The following RHCE variants were observed in gnomAD, a reference collection of about 807,000 sequenced individuals.
RHCE encodes the protein blood group Rh(CE) polypeptide.
In RHCE, 22 loss-of-function variants were observed where a neutral mutation model predicts 43.8. The observed-to-expected ratio is 0.50, with a 90% CI of 0.36 to 0.72. RHCE has a LOEUF of 0.72. RHCE is among the 30% of genes least tolerant of loss of function. The pLI, the probability that RHCE is intolerant of heterozygous loss-of-function variation, is 0.00. For synonymous variants in RHCE, 156 were observed against 210.7 expected (o/e 0.74, Z 2.25); for missense variants, 385 against 525.4 (o/e 0.73, Z 2.61).
intron 7 of RHCE, among the ~76,000 whole-genome samples, chr1:25,378,548 C>T (rs1248593558): frequency 6.6e-6 from 1 of 152,182 alleles, no homozygotes; most frequent in East Asian, 1.9e-4. Context: ...ACACTAATGG[C>T]CAAAGTTGTT....
intron 3 of RHCE, among the ~76,000 whole-genome samples, chr1:25,397,425 A>T (rs1016491912): frequency 2.6e-5 from 4 of 151,338 alleles, no homozygotes; most frequent in Non-Finnish European, 5.9e-5. Flanking sequence ...TGAACCTGGA[A>T]GGCAGAGGTT....
At chr1:25,379,355 T>C (rs1389041231) in intron 7 of RHCE, among the ~76,000 whole-genome samples, 2 of 149,232 alleles carry the variant, frequency 1.3e-5, no homozygotes, top group Non-Finnish European at 1.5e-5. Flanking sequence ...CTCCAACACA[T>C]GAAATTTGAG....
chr1:25,402,557 C>T (rs748156058), intron 3 of RHCE, 39 bp downstream of exon 3: 5 of 1,613,832 alleles, frequency 3.1e-6, no homozygotes, highest in Non-Finnish European at 4.2e-6. Flanking sequence ...GCTTTTGGCC[C>T]TTTTCTCCCA....
intron 7 of RHCE, among the ~76,000 whole-genome samples, chr1:25,378,695 C>T (rs1209476436): frequency 6.6e-6 from 1 of 151,784 alleles, no homozygotes; most frequent in African/African-American, 2.4e-5. Context: ...TCTCCCACCA[C>T]TCTTTTTCAT....
chr1:25,412,636 T>C lies in RHCE; in HGVS notation c.149-3767A>G, dbSNP rs865912579. ...GTGAGGTGGGAGGATGGCTTGTGCC[T>C]AGAAGGTTAAGGCTGCAGTGAGCCA... On this transcript the variant is annotated intron_variant, in intron 1 of 9. Transcript: ENST00000294413. Among the ~76,000 whole-genome samples, 101 of 140,628 alleles carry C rather than the reference T, an allele frequency of 7.2e-4. 1 individual carries two copies. The highest frequency in any genetic ancestry group is 1.3e-3 in the Non-Finnish European group (84 of 66,012). 92.3% of individuals were successfully genotyped at this position (140,628 alleles called of 152,430 possible).
At chr1:25,388,671 CAG>C (rs981088173) in intron 6 of RHCE, among the ~76,000 whole-genome samples, 3 of 152,158 alleles carry the variant, frequency 2.0e-5, no homozygotes, top group Non-Finnish European at 4.4e-5. Context: ...AGAAGTAAAA[CAG>C]GGGCTTCTGG....
At chr1:25,425,621 C>T (rs1247279832), upstream of RHCE, among the ~76,000 whole-genome samples, 4 of 152,304 alleles carry the variant, frequency 2.6e-5, no homozygotes, top group East Asian at 3.9e-4. Flanking sequence ...GCCTGAGTTA[C>T]GGAAATGAAG....
At chr1:25,400,660 T>G (rs1311360764) in intron 3 of RHCE, among the ~76,000 whole-genome samples, 1 of 151,560 alleles carries the variant, frequency 6.6e-6, no homozygotes, top group Non-Finnish European at 1.5e-5. Flanking sequence ...TTCAGACTTG[T>G]ACATCTCCAT....
intron 7 of RHCE, among the ~76,000 whole-genome samples, chr1:25,380,899 CTTT>C (rs898980956): frequency 6.2e-5 from 8 of 128,926 alleles, no homozygotes; most frequent in African/African-American, 1.2e-4. Flanking sequence ...TTCTTTCTTC[CTTT>C]TTTTTTTTTT....
chr1:25,392,207 T>C, intron 3 of RHCE, 66 bp from the exon 4 acceptor site: 2 of 1,612,818 alleles, frequency 1.2e-6, no homozygotes, highest in Non-Finnish European at 1.7e-6. Flanking sequence ...GCCCTGATGG[T>C]CCTTGGAGAA....
intron 3 of RHCE, among the ~76,000 whole-genome samples, chr1:25,395,173 A>T (rs1022291634): frequency 1.4e-5 from 2 of 143,246 alleles, no homozygotes; most frequent in Non-Finnish European, 3.0e-5. Context: ...TGTGTGAACT[A>T]TTTCCCATGC....
upstream of RHCE, chr1:25,421,090 C>T: frequency 1.7e-5 from 7 of 411,616 alleles, no homozygotes; most frequent in South Asian, 1.3e-4. Flanking sequence ...GACACCCAAA[C>T]ATAATCCTTC....
intron 7 of RHCE, among the ~76,000 whole-genome samples, chr1:25,376,317 A>C (rs576392426): frequency 1.1e-3 from 173 of 152,280 alleles, no homozygotes; most frequent in South Asian, 5.4e-3. Flanking sequence ...AGGGTTCAGC[A>C]TGCACCTGGG....
At chr1:25,417,167 G>A (rs1276913543) in intron 1 of RHCE, among the ~76,000 whole-genome samples, 1 of 151,074 alleles carries the variant, frequency 6.6e-6, no homozygotes, top group Non-Finnish European at 1.5e-5. Flanking sequence ...AACCCACCAT[G>A]CTTTTATCAT....
chr1:25,399,732 T>C (rs1175297096), intron 3 of RHCE, among the ~76,000 whole-genome samples: 3 of 152,156 alleles, frequency 2.0e-5, no homozygotes, highest in Non-Finnish European at 4.4e-5. Flanking sequence ...ATATCTCATA[T>C]TATAAATTTC....
At position 25,407,122 on chromosome 1, in the gene RHCE, T is replaced by G. The variant is rs1354714927; in HGVS notation, c.335+1561A>C. ...ATTTTCTGCAGAGACAGGGTCTCAC[T>G]GCGTTGCTCAGGCTGGTCTCAAACT... is the stretch of plus-strand genomic sequence containing the variant. On this transcript the variant is annotated intron_variant, in intron 2 of 9. Coordinates refer to ENST00000294413, the MANE Select transcript of RHCE (RefSeq NM_020485.8). 1.6e-5 allele frequency among the ~76,000 whole-genome samples: 2 copies of G among 122,300 alleles called. 1 individual carries two copies. The highest frequency in any genetic ancestry group is 5.1e-5 in the African/African-American group (2 of 39,556). The allele number at this position is 122,300 out of a possible 152,430, so 80.2% of individuals were successfully genotyped here.
intron 7 of RHCE, among the ~76,000 whole-genome samples, chr1:25,380,800 G>A (rs1276324905): frequency 1.3e-5 from 2 of 151,892 alleles, no homozygotes; most frequent in Non-Finnish European, 2.9e-5. Context: ...TAATGGGAGG[G>A]GCAGTCTTGA....
chr1:25,390,935 G>C lies in RHCE; in HGVS notation c.635-20C>G. The C allele has an allele frequency of 1.9e-6, 3 of 1,614,122 alleles. No homozygotes were observed. The highest frequency in any genetic ancestry group is 2.5e-6 in the Non-Finnish European group (3 of 1,180,016). On this transcript the variant is annotated intron_variant, in intron 4 of 9. Transcript: ENST00000294413. ...GGGCGCCTGGGGGCCAGAGAGGGTG[G>C]TTGGCCAGAATCACACTCCTGCTCC...
intron 2 of RHCE, among the ~76,000 whole-genome samples, chr1:25,408,175 TACTC>T (rs1266949099): frequency 1.7e-5 from 2 of 120,950 alleles, no homozygotes; most frequent in African/African-American, 5.1e-5. Context: ...TAATCCCAGC[TACTC>T]AGGAGGCTGA....
Sources: gnomAD v4.1 joint callset for allele counts (sites outside exome capture counted in the v4.1 genomes callset) on GRCh38, gnomAD v4.1.1 for gene constraint, MANE v1.5 for transcripts, NCBI Gene and HGNC (gene_info 2026-07-23, HGNC 2026-07-21) for gene names.